Variants in TPST1 observed in about 807,000 individuals in gnomAD.
TPST1 encodes the protein protein-tyrosine sulfotransferase 1.
A neutral mutation model predicts 34.8 loss-of-function variants in TPST1; 20 were observed. The ratio of observed to expected loss-of-function variants is 0.57; its 90% CI spans 0.40 to 0.84. TPST1 has a LOEUF of 0.84. TPST1 is among the 40% of genes least tolerant of loss of function. TPST1 has a pLI of 0.00. For synonymous variants in TPST1, 152 were observed against 159.4 expected, an observed-to-expected ratio of 0.95 and a Z score of 0.35; for missense variants, 353 against 455.5, an observed-to-expected ratio of 0.78 and a Z score of 2.05.
At chr7:66,278,100 C>CAAA (rs35654351) in intron 2 of TPST1, among the ~76,000 whole-genome samples, 15,465 of 50,190 alleles carry the variant, frequency 0.31, 4,173 homozygotes, top group Non-Finnish European at 0.36. Flanking sequence ...GACTCCATCT[C>CAAA]AAAAAAAAAA....
At chr7:66,278,863 T>A (rs1790875735) in intron 2 of TPST1, among the ~76,000 whole-genome samples, 1 of 151,860 alleles carries the variant, frequency 6.6e-6, no homozygotes, top group Admixed American at 6.6e-5. Flanking sequence ...AAAATAAAAA[T>A]CATGCTGCAT....
Position 66,332,210 on chromosome 7 carries a change from C to T in TPST1, c.1045-20295C>T, listed in dbSNP as rs1040833829. On this transcript the variant is annotated intron_variant, in intron 3 of 5. Transcript: ENST00000304842. The surrounding 1 kb of genome is among the most constrained non-coding windows in gnomAD (Gnocchi z 4.5). ...CTACTGCTATAGAGAATTGGATCTG[C>T]GGTCTACAAGTAATGTTAATGACAT... 2.0e-5 allele frequency among the ~76,000 whole-genome samples: 3 copies of T among 151,912 alleles called. No homozygotes were observed. The highest frequency in any genetic ancestry group is 4.4e-5 in the Non-Finnish European group (3 of 67,994).
the TPST1 span, among the ~76,000 whole-genome samples, chr7:66,199,836 C>T: frequency 6.6e-6 from 1 of 151,954 alleles, no homozygotes; most frequent in East Asian, 1.9e-4. Context: ...GCCTCAGCCT[C>T]CTGAGTTACT....
chr7:66,307,274 C>T (rs766619413), intron 3 of TPST1, among the ~76,000 whole-genome samples: 52 of 151,946 alleles, frequency 3.4e-4, no homozygotes, highest in Non-Finnish European at 5.9e-4. Context: ...TCTGCCACCA[C>T]GCCCGGCTAG....
intron 3 of TPST1, among the ~76,000 whole-genome samples, chr7:66,293,130 C>T (rs917432431): frequency 2.0e-5 from 3 of 150,772 alleles, no homozygotes; most frequent in East Asian, 2.0e-4. Context: ...GGCATGAACC[C>T]GGGAGGCAGA....
intron 2 of TPST1, among the ~76,000 whole-genome samples, chr7:66,283,597 A>C (rs1790977250): frequency 6.6e-6 from 1 of 152,192 alleles, no homozygotes; most frequent in Non-Finnish European, 1.5e-5. Context: ...TTTCATGTGT[A>C]ATGAAATGTG....
At chr7:66,307,612 A>G (rs1791451137) in intron 3 of TPST1, among the ~76,000 whole-genome samples, 1 of 152,202 alleles carries the variant, frequency 6.6e-6, no homozygotes, top group African/African-American at 2.4e-5. Flanking sequence ...TCATCCTGCT[A>G]CAGATGGCTG....
intron 1 of TPST1, among the ~76,000 whole-genome samples, chr7:66,213,939 A>C (rs1789331667): frequency 6.6e-6 from 1 of 152,104 alleles, no homozygotes; most frequent in Non-Finnish European, 1.5e-5. Context: ...ATCATATTTA[A>C]ACTTTATGTT....
chr7:66,354,353 C>T (rs1792539661), intron 4 of TPST1, among the ~76,000 whole-genome samples: 1 of 151,906 alleles, frequency 6.6e-6, no homozygotes. Context: ...CGCCTGTAAT[C>T]CCAGCACTTT....
intron 3 of TPST1, among the ~76,000 whole-genome samples, chr7:66,328,220 T>C (rs1032886977): frequency 6.6e-6 from 1 of 151,728 alleles, no homozygotes; most frequent in African/African-American, 2.4e-5. Context: ...AGAGATGGGG[T>C]TTTACCATGT....
intron 2 of TPST1, among the ~76,000 whole-genome samples, chr7:66,259,489 A>G (rs544411176): frequency 6.6e-6 from 1 of 152,028 alleles, no homozygotes; most frequent in African/African-American, 2.4e-5. Context: ...TTTTTTTCCA[A>G]ATTTTTTTTC....
Position 66,238,546 on chromosome 7 carries a change from G to A in TPST1, c.-101-1779G>A, listed in dbSNP as rs1789959767. 2.0e-5 allele frequency among the ~76,000 whole-genome samples: 3 copies of A among 152,142 alleles called. No homozygotes were observed. The South Asian group carries it at 6.2e-4, about 31-fold the overall frequency. ...CCAGATTCTGCTCGGTAGCAGGCTG[G>A]ACACACAGGCAGGGTTTCTATGTTG... On this transcript the variant is annotated intron_variant, in intron 1 of 5. Coordinates refer to ENST00000304842, the MANE Select transcript of TPST1 (RefSeq NM_003596.4).
At chr7:66,263,241 C>G (rs1426686779) in intron 2 of TPST1, among the ~76,000 whole-genome samples, 4 of 152,156 alleles carry the variant, frequency 2.6e-5, no homozygotes, top group Non-Finnish European at 4.4e-5. Context: ...TCTCTGAGGA[C>G]ATAACACTTG....
At chr7:66,261,211 T>C (rs1254311872) in intron 2 of TPST1, among the ~76,000 whole-genome samples, 1 of 151,402 alleles carries the variant, frequency 6.6e-6, no homozygotes. Context: ...GTTTTGAAAA[T>C]TGTTGTGCAA....
At chr7:66,234,416 C>CACACACACAT (rs1562806941) in intron 1 of TPST1, among the ~76,000 whole-genome samples, 2 of 150,908 alleles carry the variant, frequency 1.3e-5, no homozygotes. Flanking sequence ...CACACACACA[C>CACACACACAT]ACACACACAC....
intron 2 of TPST1, among the ~76,000 whole-genome samples, chr7:66,280,829 T>C (rs1241528735): frequency 6.6e-6 from 1 of 152,264 alleles, no homozygotes; most frequent in Non-Finnish European, 1.5e-5. Context: ...TATTGAAGTT[T>C]GATAGATAGC....
intron 2 of TPST1, among the ~76,000 whole-genome samples, chr7:66,283,082 A>G (rs535402202): frequency 1.6e-3 from 238 of 152,284 alleles, no homozygotes; most frequent in Middle Eastern, 0.01. Flanking sequence ...CAGCCTGGCC[A>G]ATGTGGCAAA....
chr7:66,314,659 GGT>G (rs1157521787), intron 3 of TPST1, among the ~76,000 whole-genome samples: 1 of 152,152 alleles, frequency 6.6e-6, no homozygotes, highest in Non-Finnish European at 1.5e-5. Context: ...AACACCATAG[GGT>G]GTACTTACAT....
At chr7:66,340,048 T>TA (rs1398065687) in intron 3 of TPST1, among the ~76,000 whole-genome samples, 2 of 151,936 alleles carry the variant, frequency 1.3e-5, no homozygotes, top group Non-Finnish European at 2.9e-5. Context: ...AGAAGGAACA[T>TA]ACTTCGGTGA....
Sources: allele counts gnomAD v4.1 joint callset (sites outside exome capture counted in the v4.1 genomes callset), GRCh38; gene constraint gnomAD v4.1.1; non-coding constraint Gnocchi (gnomAD v3.1); transcripts MANE v1.5; gene names NCBI Gene and HGNC (gene_info 2026-07-23, HGNC 2026-07-21).